RORB: variants seen among roughly 807,000 people sequenced by gnomAD.
RORB encodes the protein nuclear receptor ROR-beta.
A neutral mutation model predicts 59.1 loss-of-function variants in RORB; 6 were observed. The observed-to-expected ratio is 0.10, with a 90% confidence interval of 0.06 to 0.20. The LOEUF is 0.20. RORB is among the 10% of genes least tolerant of loss of function. RORB has a pLI of 1.00. For synonymous variants in RORB, 215 were observed against 204.5 expected (o/e 1.05, Z -0.44); for missense variants, 320 against 560.5 (o/e 0.57, Z 4.33).
chr9:74,568,303 T>C (rs190404625), intron 1 of RORB, among the ~76,000 whole-genome samples: 46 of 152,180 alleles, frequency 3.0e-4, no homozygotes, highest in African/African-American at 1.0e-3. Context: ...ATTATTGTGA[T>C]TTTTTTAGGT....
In RORB at chr9:74,687,455, A is replaced by G. The variant is rs541312261; in HGVS notation, c.*1837A>G. ...CCACAGAACTCTTGATTGATGATCA[A>G]AACAGTAGTGTCATCTTTTCCTTTT... On this transcript the variant is annotated 3_prime_UTR_variant, in exon 10 of 10. Transcript: ENST00000376896. 26 of 152,258 alleles carry G rather than the reference A, an allele frequency of 1.7e-4. No homozygotes were observed. Among genetic ancestry groups the G allele is most frequent in the African/African-American group, 6.0e-4 (25 of 41,548 alleles). 9.4% of individuals were successfully genotyped at this position (152,258 alleles called of 1,614,324 possible).
chr9:74,514,332 T>C (rs1208126681), intron 1 of RORB, among the ~76,000 whole-genome samples: 1 of 152,066 alleles, frequency 6.6e-6, no homozygotes, highest in Non-Finnish European at 1.5e-5. Flanking sequence ...GTAAATATTT[T>C]AGACTTTGTG....
chr9:74,516,789 G>C (rs1325006419), intron 1 of RORB, among the ~76,000 whole-genome samples: 2 of 151,958 alleles, frequency 1.3e-5, no homozygotes, highest in Non-Finnish European at 2.9e-5. Context: ...CACTTGATTT[G>C]AGTCTGGTGT....
intron 1 of RORB, among the ~76,000 whole-genome samples, chr9:74,611,843 T>G (rs946141805): frequency 6.6e-6 from 1 of 152,096 alleles, no homozygotes; most frequent in African/African-American, 2.4e-5. Context: ...AGAGACAATG[T>G]TTCACCATAT....
intron 4 of RORB, among the ~76,000 whole-genome samples, chr9:74,658,136 C>G (rs1281075834): frequency 1.3e-5 from 2 of 151,616 alleles, no homozygotes; most frequent in Non-Finnish European, 2.9e-5. Flanking sequence ...AGGCATTATG[C>G]TGGGCTCTGC....
intron 3 of RORB, among the ~76,000 whole-genome samples, chr9:74,640,192 A>T (rs1489378622): frequency 1.3e-5 from 2 of 152,196 alleles, no homozygotes; most frequent in African/African-American, 4.8e-5. Context: ...CTACTTAGGC[A>T]GTATCAGAAA....
chr9:74,608,866 T>C (rs1323648091), intron 1 of RORB, among the ~76,000 whole-genome samples: 1 of 152,222 alleles, frequency 6.6e-6, no homozygotes. Flanking sequence ...CTTTCAGCCT[T>C]CTAAAGAATT....
chr9:74,555,063 A>C (rs1261522350), intron 1 of RORB, among the ~76,000 whole-genome samples: 1 of 152,192 alleles, frequency 6.6e-6, no homozygotes, highest in African/African-American at 2.4e-5. Flanking sequence ...AAAACTAGGC[A>C]CATGCTAATT....
intron 6 of RORB, among the ~76,000 whole-genome samples, chr9:74,663,021 A>C (rs1481505487): frequency 6.6e-6 from 1 of 151,676 alleles, no homozygotes; most frequent in Non-Finnish European, 1.5e-5. Context: ...GCCTGCAGCC[A>C]GTATACACCA....
At chr9:74,657,821 G>A (rs749028691) in intron 4 of RORB, among the ~76,000 whole-genome samples, 40 of 151,864 alleles carry the variant, frequency 2.6e-4, no homozygotes, top group Admixed American at 1.9e-3. Context: ...CCTGGCCAAG[G>A]TGAGGAAACC....
intron 7 of RORB, 99 bp downstream of exon 7, chr9:74,665,694 G>T: frequency 1.3e-6 from 1 of 768,814 alleles, no homozygotes; most frequent in Admixed American, 1.9e-5. Context: ...TCTTTGATGT[G>T]AACCAGTATC....
In RORB at chr9:74,687,057, T is replaced by G. The variant is rs1824659944; in HGVS notation, c.*1439T>G. On this transcript the variant is annotated 3_prime_UTR_variant, in exon 10 of 10. Transcript: ENST00000376896. ...AGATTTTAGACTTCCTTGTACAAAT[T>G]CTCACTTCTCCACCTGCTCACCAAT... The G allele has an allele frequency of 6.6e-6, 1 of 152,108 alleles. No homozygotes were observed. Among genetic ancestry groups the G allele is most frequent in the South Asian group, 2.1e-4 (1 of 4,832 alleles). The allele number at this position is 152,108 out of a possible 1,614,324, so 9.4% of individuals were successfully genotyped here. A position where few individuals can be genotyped will look rare whatever the true frequency, so the allele number is the denominator to read the frequency against.
chr9:74,652,299 T>C (rs936545858), intron 4 of RORB, among the ~76,000 whole-genome samples: 6 of 152,048 alleles, frequency 3.9e-5, no homozygotes, highest in Non-Finnish European at 7.4e-5. Flanking sequence ...TCCCAGCTAG[T>C]TGCACGACTG....
intron 1 of RORB, among the ~76,000 whole-genome samples, chr9:74,526,827 A>G (rs981762563): frequency 4.6e-5 from 7 of 152,022 alleles, no homozygotes; most frequent in Non-Finnish European, 1.0e-4. Flanking sequence ...TATACCTTTT[A>G]GAAATTGATG....
chr9:74,512,893 G>A (rs374344922), intron 1 of RORB, among the ~76,000 whole-genome samples: 2 of 152,050 alleles, frequency 1.3e-5, no homozygotes, highest in Non-Finnish European at 2.9e-5. Flanking sequence ...TTCCCAACAC[G>A]GAAAACTTCC....
rs1824733948 is a variant in RORB, at chr9:74,691,132, T to C, written c.*5514T>C. 6.6e-6 allele frequency: 1 copy of C among 152,224 alleles called. No individual in the cohort carries two copies. The highest frequency in any genetic ancestry group is 1.5e-5 in the Non-Finnish European group (1 of 68,078). 9.4% of individuals were successfully genotyped at this position (152,224 alleles called of 1,614,324 possible). ...TCCTAAGCTGCTGAAATTCCTCCGA[T>C]GTGAATGGGCCATAGTAATCTTTGC... On this transcript the variant is annotated 3_prime_UTR_variant, in exon 10 of 10. Coordinates refer to ENST00000376896, the MANE Select transcript of RORB (RefSeq NM_006914.4).
At chr9:74,563,947 T>C (rs1033702022) in intron 1 of RORB, among the ~76,000 whole-genome samples, 1 of 152,340 alleles carries the variant, frequency 6.6e-6, no homozygotes, top group African/African-American at 2.4e-5. Context: ...GCCAGCCTTC[T>C]GAGGCCCAAA....
At chr9:74,684,927 A>C (rs1470160427) in intron 9 of RORB, among the ~76,000 whole-genome samples, 1 of 152,226 alleles carries the variant, frequency 6.6e-6, no homozygotes, top group Admixed American at 6.5e-5. Flanking sequence ...TCATGTCACA[A>C]AAATCTATGG....
rs112984256 is a variant in RORB, at chr9:74,576,064, A to G, written c.8-54218A>G. ...AAAGGTAATTGTGGATGTTCAATAA[A>G]TATTAAACAGCCTCGCTGTTTGTGG... On this transcript the variant is annotated intron_variant, in intron 1 of 9. Transcript: ENST00000376896. Among the ~76,000 whole-genome samples, 895 of 152,232 alleles carry G rather than the reference A, an allele frequency of 5.9e-3. 2 individuals carry two copies. The highest frequency in any genetic ancestry group is 9.5e-3 in the Non-Finnish European group (644 of 67,992).
Sources: gnomAD v4.1 joint callset for allele counts (sites outside exome capture counted in the v4.1 genomes callset) on GRCh38, gnomAD v4.1.1 for gene constraint, MANE v1.5 for transcripts, NCBI Gene and HGNC (gene_info 2026-07-23, HGNC 2026-07-21) for gene names.